ABCC1: variants seen among roughly 807,000 people sequenced by gnomAD.
The protein encoded by ABCC1 is ATP binding cassette subfamily C member 1 (ABCC1 blood group).
ABCC1 carries 83 observed loss-of-function variants against 172.9 expected under a neutral mutation model. The ratio of observed to expected loss-of-function variants is 0.48; its 90% CI spans 0.40 to 0.58. ABCC1 has a LOEUF of 0.58. Ranked by LOEUF, ABCC1 falls within the 20% of genes least tolerant of loss-of-function variation. The pLI, the probability that ABCC1 is intolerant of heterozygous loss-of-function variation, is 0.00. For synonymous variants in ABCC1, 937 were observed against 825.2 expected, an observed-to-expected ratio of 1.14 and a Z score of -2.32; for missense variants, 1,817 against 2,002.7, an observed-to-expected ratio of 0.91 and a Z score of 1.77.
At chr16:16,021,114 T>G (rs1245752113) in intron 5 of ABCC1, among the ~76,000 whole-genome samples, 1 of 152,124 alleles carries the variant, frequency 6.6e-6, no homozygotes. Flanking sequence ...AATTTATTGT[T>G]GTGTTATATG....
intron 25 of ABCC1, among the ~76,000 whole-genome samples, chr16:16,125,577 C>G (rs1030957081): frequency 6.6e-6 from 1 of 151,758 alleles, no homozygotes; most frequent in Non-Finnish European, 1.5e-5. Flanking sequence ...TACAGGTGTG[C>G]GTCACCATGC....
rs1366388268 is a variant in ABCC1 at position 15,949,700 on chromosome 16, A to C, written c.-52A>C. The C allele has an allele frequency of 4.8e-6, 5 of 1,038,728 alleles. No individual in the cohort carries two copies. Among genetic ancestry groups the C allele is most frequent in the Non-Finnish European group, 4.7e-6 (4 of 859,280 alleles). 64.3% of individuals were successfully genotyped at this position (1,038,728 alleles called of 1,614,324 possible). A position where few individuals can be genotyped will look rare whatever the true frequency, so the allele number is the denominator to read the frequency against. ...GTGCCCGCCGCCGCCCGCGCCAGCAACCGGGCCCGATCACCCGCCGCCCGG... is the reference window on the plus strand; with the variant it reads ...GTGCCCGCCGCCGCCCGCGCCAGCACCCGGGCCCGATCACCCGCCGCCCGG... On this transcript the variant is annotated 5_prime_UTR_variant, in exon 1 of 31. Transcript: ENST00000399410.
chr16:16,043,173 T>G (rs946098228), intron 7 of ABCC1, among the ~76,000 whole-genome samples: 1 of 149,932 alleles, frequency 6.7e-6, no homozygotes, highest in Non-Finnish European at 1.5e-5. Context: ...AAAAAAAAAA[T>G]TTTTTTTTAG....
At chr16:16,087,356 G>A (rs912801212) in intron 18 of ABCC1, among the ~76,000 whole-genome samples, 2 of 152,128 alleles carry the variant, frequency 1.3e-5, no homozygotes, top group African/African-American at 2.4e-5. Flanking sequence ...TAGAGGGGTC[G>A]GAAAATTGCC....
chr16:15,984,936 C>G (rs1257325391), intron 1 of ABCC1, among the ~76,000 whole-genome samples: 1 of 151,910 alleles, frequency 6.6e-6, no homozygotes, highest in Non-Finnish European at 1.5e-5. Flanking sequence ...AACCCCTTCT[C>G]TACAAAAATC....
At chr16:15,965,550 C>A (rs2046224772) in intron 1 of ABCC1, among the ~76,000 whole-genome samples, 1 of 152,146 alleles carries the variant, frequency 6.6e-6, no homozygotes, top group Admixed American at 6.6e-5. Flanking sequence ...CTTCGGCCTC[C>A]CAAAGTGCTG....
intron 19 of ABCC1, among the ~76,000 whole-genome samples, chr16:16,096,659 T>A (rs1277918533): frequency 6.6e-6 from 1 of 152,068 alleles, no homozygotes; most frequent in Non-Finnish European, 1.5e-5. Flanking sequence ...AAGCTGTGAG[T>A]TGAATTCTTC....
chr16:16,074,818 G>GT (rs1249169765), intron 14 of ABCC1, among the ~76,000 whole-genome samples: 1 of 151,884 alleles, frequency 6.6e-6, no homozygotes, highest in Non-Finnish European at 1.5e-5. Context: ...TAGGTTTTTT[G>GT]TTTTTTTGAT....
chr16:16,016,698 T>C (rs1597122884), intron 5 of ABCC1, 77 bp downstream of exon 5: 1 of 1,580,996 alleles, frequency 6.3e-7, no homozygotes, highest in East Asian at 2.3e-5. Flanking sequence ...CTAACATTTC[T>C]TAGATCCATC....
intron 1 of ABCC1, among the ~76,000 whole-genome samples, chr16:15,973,502 C>T (rs113475391): frequency 3.3e-5 from 5 of 152,078 alleles, no homozygotes; most frequent in African/African-American, 9.7e-5. Flanking sequence ...CTGGCATGGA[C>T]GCAATCCACC....
chr16:16,075,588 A>G (rs934571735), intron 14 of ABCC1, among the ~76,000 whole-genome samples: 1 of 152,132 alleles, frequency 6.6e-6, no homozygotes, highest in Non-Finnish European at 1.5e-5. Flanking sequence ...CCGAGATCGC[A>G]CCACTGCGCT....
At chr16:16,041,499 G>A (rs904866501) in intron 7 of ABCC1, among the ~76,000 whole-genome samples, 1 of 152,070 alleles carries the variant, frequency 6.6e-6, no homozygotes, top group Non-Finnish European at 1.5e-5. Context: ...TCATTTACTT[G>A]GGACATTGGT....
chr16:16,129,516 CGGT>C (rs898952863), intron 26 of ABCC1, among the ~76,000 whole-genome samples: 1 of 148,500 alleles, frequency 6.7e-6, no homozygotes, highest in African/African-American at 2.5e-5. Flanking sequence ...TTGTTGTTGG[CGGT>C]GGTGGTGGGG....
At chr16:15,992,209 T>G (rs1173099083) in intron 1 of ABCC1, among the ~76,000 whole-genome samples, 1 of 151,810 alleles carries the variant, frequency 6.6e-6, no homozygotes, top group Non-Finnish European at 1.5e-5. Flanking sequence ...GACCATCTAG[T>G]TGCAGGAAAA....
intron 29 of ABCC1, among the ~76,000 whole-genome samples, chr16:16,137,076 C>G (rs1043535872): frequency 6.6e-6 from 1 of 152,224 alleles, no homozygotes; most frequent in Non-Finnish European, 1.5e-5. Context: ...AGCGGAACCT[C>G]TGGGGTCCTG....
intron 12 of ABCC1, among the ~76,000 whole-genome samples, chr16:16,064,529 C>A (rs2151940780): frequency 6.6e-6 from 1 of 152,332 alleles, no homozygotes; most frequent in South Asian, 2.1e-4. Context: ...TTGTCCTGTC[C>A]CCTCTCTGTG....
chr16:15,994,223 AAAC>A (rs1300792472), intron 1 of ABCC1, among the ~76,000 whole-genome samples: 5 of 152,154 alleles, frequency 3.3e-5, no homozygotes, highest in Non-Finnish European at 7.4e-5. Flanking sequence ...CTGTCTCAAA[AAAC>A]AAAACCAGCT....
chr16:16,126,020 C>A, intron 26 of ABCC1, 109 bp downstream of exon 26: 1 of 684,516 alleles, frequency 1.5e-6, no homozygotes. Context: ...GATACCTCAC[C>A]AGGTAGAAGT....
At chr16:16,140,754 T>A (rs927736132) in intron 30 of ABCC1, among the ~76,000 whole-genome samples, 13 of 152,222 alleles carry the variant, frequency 8.5e-5, no homozygotes, top group Admixed American at 2.0e-4. Flanking sequence ...GCTTTCACAC[T>A]ATAAATACAG....
Sources: gnomAD v4.1 joint callset for allele counts (sites outside exome capture counted in the v4.1 genomes callset) on GRCh38, gnomAD v4.1.1 for gene constraint, MANE v1.5 for transcripts, NCBI Gene and HGNC (gene_info 2026-07-23, HGNC 2026-07-21) for gene names.